The following DLGAP1 variants were observed in gnomAD, a reference collection of about 807,000 sequenced individuals.
DLGAP1 encodes DLG associated protein 1.
A neutral mutation model predicts 90.8 loss-of-function variants in DLGAP1; 11 were observed. The observed-to-expected ratio is 0.12, with a 90% CI of 0.08 to 0.20. DLGAP1 has a LOEUF of 0.20. Among genes scored for constraint, DLGAP1 ranks in the 10% least tolerant of loss-of-function variants. The pLI, the probability that DLGAP1 is intolerant of heterozygous loss-of-function variation, is 1.00. For synonymous variants in DLGAP1, 558 were observed against 540.7 expected (o/e 1.03, Z -0.44); for missense variants, 1,050 against 1,333.8 (o/e 0.79, Z 3.31).
At chr18:3,827,722 C>T (rs2067796228) in intron 4 of DLGAP1, among the ~76,000 whole-genome samples, 1 of 152,162 alleles carries the variant, frequency 6.6e-6, no homozygotes, top group South Asian at 2.1e-4. Flanking sequence ...AATACTTAAC[C>T]TTTTGGCATG....
At chr18:3,600,995 GATATATAGATATAGATAGAT>G (rs2056974470) in intron 7 of DLGAP1, among the ~76,000 whole-genome samples, 2 of 134,768 alleles carry the variant, frequency 1.5e-5, no homozygotes, top group African/African-American at 3.0e-5. Context: ...TAGATATATA[GATATATAGATATAGATAGAT>G]ATATAGATAT....
chr18:3,581,999 G>C lies in DLGAP1; in HGVS notation c.1841C>G (p.Ala614Gly). ...AGTGTTATTGCCCATGTGTTGACTG[G>C]CAGGGCCATGGATCTGGGCGTTTGC... ...EAANAQIHGPASQHMGNNTAT... is the reference protein window; with the variant it reads ...EAANAQIHGPGSQHMGNNTAT... The change falls in exon 8 of 13, where the codon GCC becomes GGC. Residue 614 changes from alanine to glycine, a missense_variant. Physicochemically the swap from Ala to Gly is moderately conservative, Grantham distance 60. Around this residue, in one of 2 missense-constraint regions of DLGAP1, gnomAD observed 565 missense variants for 879.7 expected, o/e 0.64. Coordinates refer to ENST00000315677, the MANE Select transcript of DLGAP1 (RefSeq NM_004746.4). 1 of 1,613,896 alleles carries C rather than the reference G, an allele frequency of 6.2e-7. No homozygotes were observed. Among genetic ancestry groups the C allele is most frequent in the South Asian group, 1.1e-5 (1 of 91,070 alleles).
chr18:3,712,637 T>C (rs2061633258), intron 7 of DLGAP1, among the ~76,000 whole-genome samples: 1 of 152,152 alleles, frequency 6.6e-6, no homozygotes, highest in Non-Finnish European at 1.5e-5. Flanking sequence ...ATGGCAGTGG[T>C]GTCAGGGGGC....
At chr18:3,536,087 T>C (rs966942168) in intron 9 of DLGAP1, among the ~76,000 whole-genome samples, 3 of 146,806 alleles carry the variant, frequency 2.0e-5, no homozygotes, top group Non-Finnish European at 4.5e-5. Flanking sequence ...AAAACTATCA[T>C]GAATCCTGCA....
At chr18:4,290,700 G>A (rs531378205) in intron 1 of DLGAP1, among the ~76,000 whole-genome samples, 1 of 152,110 alleles carries the variant, frequency 6.6e-6, no homozygotes, top group Non-Finnish European at 1.5e-5. Flanking sequence ...TGCTTGAGCT[G>A]TCAATGATTA....
chr18:3,894,402 T>C (rs1443881883), intron 3 of DLGAP1, among the ~76,000 whole-genome samples: 1 of 152,188 alleles, frequency 6.6e-6, no homozygotes, highest in Non-Finnish European at 1.5e-5. Flanking sequence ...CAGTGAGAAA[T>C]AGGGGTCTAG....
chr18:4,252,686 C>T (rs893870010), intron 1 of DLGAP1, among the ~76,000 whole-genome samples: 1 of 152,186 alleles, frequency 6.6e-6, no homozygotes, highest in Non-Finnish European at 1.5e-5. Context: ...TGTTAGGTTT[C>T]CCTTCAATTT....
chr18:4,345,040 T>C (rs1179600855), intron 1 of DLGAP1, among the ~76,000 whole-genome samples: 1 of 152,184 alleles, frequency 6.6e-6, no homozygotes, highest in Non-Finnish European at 1.5e-5. Flanking sequence ...AGATGCAGTA[T>C]AACCTGTGTG....
intron 1 of DLGAP1, among the ~76,000 whole-genome samples, chr18:4,198,852 A>T (rs1209634512): frequency 6.6e-6 from 1 of 152,212 alleles, no homozygotes; most frequent in East Asian, 1.9e-4. Context: ...AATCCTTTTA[A>T]CAATGTCATT....
chr18:4,334,223 A>T (rs1430353558), intron 1 of DLGAP1, among the ~76,000 whole-genome samples: 6 of 151,592 alleles, frequency 4.0e-5, no homozygotes, highest in African/African-American at 1.5e-4. Context: ...GGGCAACAAG[A>T]TTGAAACTCC....
At chr18:3,929,262 T>C (rs1279793327) in intron 3 of DLGAP1, among the ~76,000 whole-genome samples, 1 of 152,230 alleles carries the variant, frequency 6.6e-6, no homozygotes, top group East Asian at 1.9e-4. Context: ...CCTAATCTAA[T>C]CACACTCTAA....
rs549478313 is a variant in DLGAP1 at position 4,352,762 on chromosome 18, C to T, written c.-267+102244G>A. On this transcript the variant is annotated intron_variant, in intron 1 of 12. Transcript: ENST00000315677. Reference sequence around the variant, plus strand: ...CTTATGCCCTTAAAACACACACTCACGACCAGTATTTCATGGCAATGTCTC... The same window carrying T: ...CTTATGCCCTTAAAACACACACTCATGACCAGTATTTCATGGCAATGTCTC... 3.9e-5 allele frequency among the ~76,000 whole-genome samples: 6 copies of T among 152,254 alleles called. No homozygotes were observed. In the East Asian group the frequency reaches 5.8e-4, roughly 15 times the overall value.
intron 1 of DLGAP1, among the ~76,000 whole-genome samples, chr18:4,221,550 C>T (rs1230459455): frequency 6.6e-6 from 1 of 152,032 alleles, no homozygotes; most frequent in Non-Finnish European, 1.5e-5. Context: ...TCTTTTTCTT[C>T]CATCATAAGA....
chr18:4,404,862 T>C (rs1186353207), intron 1 of DLGAP1, among the ~76,000 whole-genome samples: 3 of 152,156 alleles, frequency 2.0e-5, no homozygotes, highest in African/African-American at 7.2e-5. Flanking sequence ...AGTTTGATTT[T>C]AAAACAAAAA....
chr18:4,205,856 G>C (rs952501822), intron 1 of DLGAP1, among the ~76,000 whole-genome samples: 1 of 152,200 alleles, frequency 6.6e-6, no homozygotes, highest in African/African-American at 2.4e-5. Context: ...TGTAAAGTAA[G>C]AGATTGACTT....
intron 2 of DLGAP1, among the ~76,000 whole-genome samples, chr18:4,037,269 A>C (rs2074903881): frequency 6.6e-6 from 1 of 152,232 alleles, no homozygotes; most frequent in South Asian, 2.1e-4. Context: ...AATAATTAAT[A>C]TTATTAATAT....
chr18:4,377,017 G>A (rs993847000), intron 1 of DLGAP1, among the ~76,000 whole-genome samples: 4 of 152,156 alleles, frequency 2.6e-5, no homozygotes, highest in Admixed American at 2.0e-4. Flanking sequence ...TCCAGTGATT[G>A]AATAGAAAGA....
intron 1 of DLGAP1, among the ~76,000 whole-genome samples, chr18:4,306,184 A>G (rs1281600364): frequency 2.0e-5 from 3 of 152,168 alleles, no homozygotes; most frequent in African/African-American, 7.2e-5. Flanking sequence ...GATCCCAGGA[A>G]GGCAATTGCC....
intron 1 of DLGAP1, among the ~76,000 whole-genome samples, chr18:4,172,709 C>A (rs1395497965): frequency 6.6e-6 from 1 of 152,194 alleles, no homozygotes; most frequent in Non-Finnish European, 1.5e-5. Context: ...GAGCTGATGG[C>A]ATAGCAACCG....
Sources: allele counts gnomAD v4.1 joint callset (sites outside exome capture counted in the v4.1 genomes callset), GRCh38; gene constraint gnomAD v4.1.1; regional missense constraint gnomAD v4.1.1; transcripts MANE v1.5; gene names NCBI Gene and HGNC (gene_info 2026-07-23, HGNC 2026-07-21).